The following TPRG1 variants were observed in gnomAD, a reference collection of about 807,000 sequenced individuals.
TPRG1 encodes tumor protein p63-regulated gene 1 protein.
Under a neutral mutation model 29.3 loss-of-function variants are expected in TPRG1, and 29 were observed. That is an observed-to-expected ratio of 0.99 (90% CI 0.74 to 1.35). The LOEUF (loss-of-function observed/expected upper bound fraction) is 1.35, where lower values mean the gene tolerates loss of function less well. TPRG1 is among the 40% of genes most tolerant of loss of function. TPRG1 has a pLI of 0.00. For synonymous variants in TPRG1, 130 were observed against 116.8 expected (o/e 1.11, Z -0.73); for missense variants, 327 against 335.0 (o/e 0.98, Z 0.19).
At chr3:189,087,212 G>T (rs1246854722) in intron 4 of TPRG1, among the ~76,000 whole-genome samples, 1 of 152,194 alleles carries the variant, frequency 6.6e-6, no homozygotes, top group Non-Finnish European at 1.5e-5. Context: ...ACTGGTGTGA[G>T]ATGGTATCTC....
chr3:189,281,903 C>CA (rs1717199616), intron 4 of TPRG1, among the ~76,000 whole-genome samples: 1 of 151,926 alleles, frequency 6.6e-6, no homozygotes, highest in African/African-American at 2.4e-5. Flanking sequence ...TTTTTGGAGA[C>CA]AGAGTCTCTC....
At position 189,252,036 on chromosome 3, in the gene TPRG1, C is replaced by A. The variant is rs577065943; in HGVS notation, c.479+13127C>A. 1.3e-3 allele frequency among the ~76,000 whole-genome samples: 203 copies of A among 152,204 alleles called. 1 individual carries two copies. The highest frequency in any genetic ancestry group is 4.4e-3 in the African/African-American group (183 of 41,524). ...TGGCTTTCCTAGGCAGAGGTCCCTGCGGCCTTCTGCAGTGTTTGTGTCCCT... is the reference window on the plus strand; with the variant it reads ...TGGCTTTCCTAGGCAGAGGTCCCTGAGGCCTTCTGCAGTGTTTGTGTCCCT... On this transcript the variant is annotated intron_variant, in intron 4 of 5. Coordinates refer to ENST00000345063, the MANE Select transcript of TPRG1 (RefSeq NM_198485.4).
chr3:189,135,168 A>C (rs2108545789), intron 3 of TPRG1, among the ~76,000 whole-genome samples: 1 of 152,290 alleles, frequency 6.6e-6, no homozygotes, highest in South Asian at 2.1e-4. Context: ...TACACTCTTC[A>C]GCATGGGTCC....
intron 4 of TPRG1, among the ~76,000 whole-genome samples, chr3:189,056,977 C>T (rs182906645): frequency 6.6e-6 from 1 of 152,302 alleles, no homozygotes; most frequent in East Asian, 1.9e-4. Flanking sequence ...GCATCTTGAA[C>T]TCACTTCCCC....
chr3:189,000,572 A>T (rs1021252574), intron 1 of TPRG1, among the ~76,000 whole-genome samples: 5 of 151,840 alleles, frequency 3.3e-5, no homozygotes, highest in Non-Finnish European at 7.4e-5. Context: ...AATGGAACAC[A>T]CTCACCTCAT....
At chr3:189,144,416 T>C (rs1410555966) in intron 3 of TPRG1, among the ~76,000 whole-genome samples, 2 of 152,208 alleles carry the variant, frequency 1.3e-5, no homozygotes, top group Non-Finnish European at 2.9e-5. Flanking sequence ...GAGGAAACAG[T>C]ACATAAAATA....
At chr3:189,076,629 CTGT>C (rs1219511976) in intron 4 of TPRG1, among the ~76,000 whole-genome samples, 1 of 151,582 alleles carries the variant, frequency 6.6e-6, no homozygotes, top group African/African-American at 2.4e-5. Flanking sequence ...ATATGGAACA[CTGT>C]TGTTAAGCCC....
intron 3 of TPRG1, among the ~76,000 whole-genome samples, chr3:189,216,262 T>C (rs1213631077): frequency 6.6e-6 from 1 of 152,204 alleles, no homozygotes; most frequent in African/African-American, 2.4e-5. Context: ...AGAGAAGCTC[T>C]GTGATTCCTA....
chr3:189,245,614 A>G (rs1211542868), intron 4 of TPRG1, among the ~76,000 whole-genome samples: 1 of 152,088 alleles, frequency 6.6e-6, no homozygotes, highest in African/African-American at 2.4e-5. Context: ...GCTCATTATG[A>G]TATATCTTTG....
intron 1 of TPRG1, among the ~76,000 whole-genome samples, chr3:189,100,667 A>T (rs1172199150): frequency 6.6e-6 from 1 of 152,182 alleles, no homozygotes; most frequent in Non-Finnish European, 1.5e-5. Context: ...ATTTAGAAGT[A>T]GGGTGGTACA....
rs1717191313 is a variant in TPRG1, at chr3:189,281,873, T to C, written c.480-28513T>C. On this transcript the variant is annotated intron_variant, in intron 4 of 5. Transcript: ENST00000345063. ...ACCTTGAAAGACACCCACAAGAGGA[T>C]TTTATTTTTATTTTTTATTTTTTTG... Among the ~76,000 whole-genome samples, 3 of 151,988 alleles carry C rather than the reference T, an allele frequency of 2.0e-5. No homozygotes were observed. In the South Asian group the frequency reaches 6.2e-4, roughly 32 times the overall value.
chr3:189,017,948 T>C (rs1203136663), intron 3 of TPRG1, among the ~76,000 whole-genome samples: 1 of 151,320 alleles, frequency 6.6e-6, no homozygotes, highest in Non-Finnish European at 1.5e-5. Context: ...GGTATCTCAT[T>C]GTGGTTTTGA....
At chr3:189,062,562 A>G (rs944930603) in intron 4 of TPRG1, among the ~76,000 whole-genome samples, 2 of 152,214 alleles carry the variant, frequency 1.3e-5, no homozygotes, top group African/African-American at 4.8e-5. Flanking sequence ...TTTATAAATC[A>G]TAATTGATCA....
At chr3:189,268,236 CG>C in intron 4 of TPRG1, among the ~76,000 whole-genome samples, 1 of 152,200 alleles carries the variant, frequency 6.6e-6, no homozygotes, top group East Asian at 1.9e-4. Flanking sequence ...CAAGAATGCC[CG>C]GGGTTTGATT....
intron 4 of TPRG1, among the ~76,000 whole-genome samples, chr3:189,302,436 T>C (rs1411378987): frequency 1.3e-5 from 2 of 152,206 alleles, no homozygotes; most frequent in Non-Finnish European, 2.9e-5. Context: ...TTATTCATTA[T>C]TGAGGGAGTT....
In TPRG1 at chr3:189,310,548, C is replaced by T. The variant is rs1354499685; in HGVS notation, c.633+9C>T. 1 of 1,603,328 alleles carries T rather than the reference C, an allele frequency of 6.2e-7. No individual in the cohort carries two copies. The highest frequency in any genetic ancestry group is 1.7e-5 in the Admixed American group (1 of 59,820). On this transcript the variant is annotated intron_variant, in intron 5 of 5. Coordinates refer to ENST00000345063, the MANE Select transcript of TPRG1 (RefSeq NM_198485.4). ...TCCTTGAAATTTGCAAGGTAGGAGGCATCTTGGGTATTACTCTCAGATTAG... is the reference window on the plus strand; with the variant it reads ...TCCTTGAAATTTGCAAGGTAGGAGGTATCTTGGGTATTACTCTCAGATTAG...
intron 4 of TPRG1, among the ~76,000 whole-genome samples, chr3:189,268,728 T>C (rs1229226533): frequency 6.6e-6 from 1 of 152,214 alleles, no homozygotes; most frequent in Admixed American, 6.5e-5. Flanking sequence ...AGCGTCGTAA[T>C]AGCAAGATCC....
At chr3:189,298,107 T>C (rs1287004407) in intron 4 of TPRG1, among the ~76,000 whole-genome samples, 2 of 152,200 alleles carry the variant, frequency 1.3e-5, no homozygotes, top group Non-Finnish European at 2.9e-5. Context: ...CAAGTAAAAC[T>C]TAACTCACTT....
At chr3:189,166,601 A>C (rs1022063384) in intron 5 of TPRG1, among the ~76,000 whole-genome samples, 1 of 152,172 alleles carries the variant, frequency 6.6e-6, no homozygotes, top group African/African-American at 2.4e-5. Context: ...TTTTATCCTA[A>C]CTAGTATCCC....
Sources: allele counts gnomAD v4.1 joint callset (sites outside exome capture counted in the v4.1 genomes callset), GRCh38; gene constraint gnomAD v4.1.1; transcripts MANE v1.5; gene names NCBI Gene and HGNC (gene_info 2026-07-23, HGNC 2026-07-21).